Variants in GAK observed in about 807,000 individuals in gnomAD.
GAK encodes the protein cyclin G associated kinase.
GAK carries 79 observed loss-of-function variants against 143.9 expected under a neutral mutation model. The observed-to-expected ratio is 0.55, with a 90% CI of 0.46 to 0.66. The LOEUF (loss-of-function observed/expected upper bound fraction) is 0.66. Among genes scored for constraint, GAK ranks in the 30% least tolerant of loss-of-function variants. GAK has a pLI of 0.00. For synonymous variants in GAK, 881 were observed against 765.5 expected (o/e 1.15, Z -2.49); for missense variants, 1,693 against 1,779.7 (o/e 0.95, Z 0.88).
At chr4:901,443 G>A (rs1719860154) in intron 5 of GAK, among the ~76,000 whole-genome samples, 1 of 152,236 alleles carries the variant, frequency 6.6e-6, no homozygotes, top group Admixed American at 6.5e-5. Flanking sequence ...GGAGAGCTGG[G>A]GGGCTCTGAG....
At chr4:887,588 A>G (rs1469738529) in intron 11 of GAK, 3 of 146,402 alleles carry the variant, frequency 2.0e-5, no homozygotes, top group Non-Finnish European at 2.9e-5. Flanking sequence ...TCATGCGTAC[A>G]CATGCACGCG....
intron 26 of GAK, 69 bp from the exon 27 acceptor site, chr4:850,137 T>G: frequency 7.0e-7 from 1 of 1,431,620 alleles, no homozygotes; most frequent in Non-Finnish European, 9.4e-7. Flanking sequence ...CCGCGGAAAC[T>G]GAGGCACGAC....
In GAK at chr4:932,216, G is replaced by A. The variant is rs1479485503; in HGVS notation, c.-29C>T. The A allele has an allele frequency of 2.0e-6, 3 of 1,513,212 alleles. No individual in the cohort carries two copies. Among genetic ancestry groups the A allele is most frequent in the Admixed American group, 2.1e-5 (1 of 48,336 alleles). 93.7% of individuals were successfully genotyped at this position (1,513,212 alleles called of 1,614,324 possible). On this transcript the variant is annotated 5_prime_UTR_variant, in exon 1 of 28. Transcript: ENST00000314167. This position sits in a 1 kb window ranked among gnomAD's most constrained non-coding sequence, Gnocchi z 4.0. ...GGTGGCTGCGCCGCACCCCGCGGCA[G>A]CCGGAGTGGTCGGGCTCGGGCTCCC...
intron 4 of GAK, among the ~76,000 whole-genome samples, chr4:911,055 C>G (rs1419517161): frequency 6.6e-6 from 1 of 152,094 alleles, no homozygotes; most frequent in Non-Finnish European, 1.5e-5. Flanking sequence ...CCCTAGAACT[C>G]TCCGAAAGCA....
At position 932,241 on chromosome 4, in the gene GAK, C is replaced by G. The variant is rs962242807; in HGVS notation, c.-54G>C. On this transcript the variant is annotated 5_prime_UTR_variant, in exon 1 of 28. Coordinates refer to ENST00000314167, the MANE Select transcript of GAK (RefSeq NM_005255.4). The surrounding 1 kb of genome is among the most constrained non-coding windows in gnomAD (Gnocchi z 4.0). ...GCCGGAGTGGTCGGGCTCGGGCTCC[C>G]GCTCCCTCGCCGTCCGGGTCAGCTC... 99 of 1,471,294 alleles carry G rather than the reference C, an allele frequency of 6.7e-5. No individual in the cohort carries two copies. The highest frequency in any genetic ancestry group is 8.9e-5 in the Non-Finnish European group (99 of 1,116,824). The allele number at this position is 1,471,294 out of a possible 1,614,324, so 91.1% of individuals were successfully genotyped here.
intron 9 of GAK, among the ~76,000 whole-genome samples, chr4:891,333 G>C (rs1717618977): frequency 6.6e-6 from 1 of 150,472 alleles, no homozygotes; most frequent in South Asian, 2.1e-4. Context: ...GGCATGATCT[G>C]GGCTCACTGC....
intron 9 of GAK, among the ~76,000 whole-genome samples, chr4:890,879 T>C (rs1384679163): frequency 6.6e-6 from 1 of 151,978 alleles, no homozygotes; most frequent in African/African-American, 2.4e-5. Flanking sequence ...GCCCAGCTTT[T>C]CAGACTCTTG....
chr4:928,642 C>G (rs1725211090), intron 1 of GAK, among the ~76,000 whole-genome samples: 1 of 152,250 alleles, frequency 6.6e-6, no homozygotes, highest in African/African-American at 2.4e-5. Context: ...CCACTGAGCC[C>G]ACCTGGGAGG....
chr4:894,053 A>G, intron 7 of GAK, 44 bp from the exon 8 acceptor site: 1 of 1,512,994 alleles, frequency 6.6e-7, no homozygotes, highest in Non-Finnish European at 8.9e-7. Flanking sequence ...CGGGGAGCGC[A>G]GGGGTGACGC....
chr4:849,448 A>G lies in GAK; in HGVS notation c.*225T>C, dbSNP rs1747662953. 1.8e-6 allele frequency: 1 copy of G among 568,182 alleles called. No homozygotes were observed. Among genetic ancestry groups the G allele is most frequent in the Non-Finnish European group, 3.2e-6 (1 of 315,810 alleles). The allele number at this position is 568,182 out of a possible 1,614,324, so 35.2% of individuals were successfully genotyped here. The stretch of plus-strand genomic sequence containing the variant: ...CAGACGTGACAATTGCGGGAGGAGC[A>G]TGAATCAGCTGTTCCTTCGGGAGGA... On this transcript the variant is annotated 3_prime_UTR_variant, in exon 28 of 28. Coordinates refer to ENST00000314167, the MANE Select transcript of GAK (RefSeq NM_005255.4).
At chr4:927,975 G>C (rs375355147) in intron 1 of GAK, among the ~76,000 whole-genome samples, 5 of 152,290 alleles carry the variant, frequency 3.3e-5, no homozygotes, top group South Asian at 2.1e-4. Flanking sequence ...AGAACAGCAC[G>C]GAGCTTCAGA....
chr4:901,131 C>G (rs1719790357), intron 5 of GAK, among the ~76,000 whole-genome samples: 1 of 152,250 alleles, frequency 6.6e-6, no homozygotes, highest in African/African-American at 2.4e-5. Context: ...CAGCCCTAAC[C>G]AGAGAAACAC....
rs55801437 is a variant in GAK, at chr4:851,898, C to G, written c.3360G>C (p.Gln1120His). 1.0e-3 allele frequency: 1,625 copies of G among 1,611,650 alleles called. 1 individual carries two copies. The highest frequency in any genetic ancestry group is 1.3e-3 in the Non-Finnish European group (1,519 of 1,178,508). The part of the protein sequence containing the change: ...ATTPKGSSSW[Q>H]TSRPPAQGAS... ...CGCCCTGGGCTGGCGGCCGACTTGT[C>G]TGCCAGGAGCTGCTGCCTTTGGGCG... Residue 1120 changes from glutamine (Q) to histidine (H), a missense_variant, in exon 25 of 28, where the codon CAG becomes CAC. Physicochemically the swap from Gln to His is conservative, Grantham distance 24. Around this residue, in one of 2 missense-constraint regions of GAK, gnomAD observed 822 missense variants for 788.7 expected, o/e 1.04. Transcript: ENST00000314167.
At chr4:905,658 C>T (rs554051938) in intron 4 of GAK, among the ~76,000 whole-genome samples, 1 of 152,098 alleles carries the variant, frequency 6.6e-6, no homozygotes, top group African/African-American at 2.4e-5. Flanking sequence ...ATGCCACGGA[C>T]TCTGCCACGT....
intron 24 of GAK, among the ~76,000 whole-genome samples, chr4:858,818 C>A (rs543205261): frequency 3.9e-5 from 6 of 152,264 alleles, no homozygotes; most frequent in Admixed American, 3.9e-4. Context: ...CAGGGAAGGA[C>A]AGGAGAAACG....
chr4:924,747 T>C (rs1400047756), intron 1 of GAK, among the ~76,000 whole-genome samples: 1 of 152,012 alleles, frequency 6.6e-6, no homozygotes, highest in Non-Finnish European at 1.5e-5. Context: ...GACTGGGCCA[T>C]GGGTGTGGAG....
At chr4:865,695 C>T (rs1385618823) in intron 22 of GAK, among the ~76,000 whole-genome samples, 1 of 152,242 alleles carries the variant, frequency 6.6e-6, no homozygotes, top group Non-Finnish European at 1.5e-5. Context: ...GCACCCGCCC[C>T]AACGCTGCAA....
At chr4:900,374 G>T (rs1719642366) in intron 5 of GAK, among the ~76,000 whole-genome samples, 1 of 152,236 alleles carries the variant, frequency 6.6e-6, no homozygotes. Context: ...GGGCTGCAGG[G>T]CTGGCCTGGG....
intron 1 of GAK, among the ~76,000 whole-genome samples, chr4:921,292 G>A (rs1379925835): frequency 6.6e-6 from 1 of 152,072 alleles, no homozygotes; most frequent in Non-Finnish European, 1.5e-5. Context: ...TAGTAGAGAC[G>A]GGGTTTCACT....
Sources: gnomAD v4.1 joint callset for allele counts (sites outside exome capture counted in the v4.1 genomes callset) on GRCh38, gnomAD v4.1.1 for gene constraint, gnomAD v4.1.1 regional missense constraint, Gnocchi (gnomAD v3.1) non-coding constraint, MANE v1.5 for transcripts, NCBI Gene and HGNC (gene_info 2026-07-23, HGNC 2026-07-21) for gene names.